Variants in TCF12 observed in about 807,000 individuals in gnomAD.
The protein encoded by TCF12 is DNA-binding protein HTF4.
TCF12 carries 45 observed loss-of-function variants against 86.0 expected under a neutral mutation model. The ratio of observed to expected loss-of-function variants is 0.52; its 90% CI spans 0.41 to 0.67. TCF12 has a LOEUF of 0.67. TCF12 is among the 30% of genes least tolerant of loss of function. TCF12 has a pLI of 0.00. For missense variants in TCF12, 881 were observed against 859.9 expected, an observed-to-expected ratio of 1.02 and a Z score of -0.31; for synonymous variants, 330 against 299.6, an observed-to-expected ratio of 1.10 and a Z score of -1.05.
chr15:56,944,514 G>T (rs1213443429), intron 3 of TCF12, among the ~76,000 whole-genome samples: 3 of 152,118 alleles, frequency 2.0e-5, no homozygotes, highest in African/African-American at 7.2e-5. Context: ...CCTTTATTTT[G>T]TATATACATA....
intron 4 of TCF12, among the ~76,000 whole-genome samples, chr15:57,084,008 T>C (rs1286571661): frequency 2.0e-5 from 3 of 152,226 alleles, no homozygotes; most frequent in Non-Finnish European, 4.4e-5. Context: ...AAATATGTTA[T>C]CCTCTGAATG....
intron 3 of TCF12, among the ~76,000 whole-genome samples, chr15:56,984,120 T>A (rs1389727081): frequency 2.9e-5 from 3 of 103,154 alleles, no homozygotes; most frequent in Non-Finnish European, 5.1e-5. Flanking sequence ...TACGTTGTTC[T>A]TCTGTTTTCA....
chr15:57,179,512 A>C (rs2056187941), intron 6 of TCF12, among the ~76,000 whole-genome samples: 1 of 152,134 alleles, frequency 6.6e-6, no homozygotes, highest in Non-Finnish European at 1.5e-5. Context: ...CCTGGGCGAC[A>C]CAGCAAGACT....
At chr15:57,151,250 G>A (rs1596849347) in intron 5 of TCF12, among the ~76,000 whole-genome samples, 2 of 151,138 alleles carry the variant, frequency 1.3e-5, no homozygotes, top group South Asian at 4.2e-4. Flanking sequence ...TGAGTTGCTG[G>A]GATTATATGT....
chr15:57,153,417 G>A (rs1189281293), intron 5 of TCF12, among the ~76,000 whole-genome samples: 1 of 152,198 alleles, frequency 6.6e-6, no homozygotes, highest in African/African-American at 2.4e-5. Context: ...AAAACAGGAA[G>A]CAGGCCATGA....
intron 3 of TCF12, among the ~76,000 whole-genome samples, chr15:56,983,155 G>C (rs2062976927): frequency 6.6e-6 from 1 of 152,146 alleles, no homozygotes; most frequent in Non-Finnish European, 1.5e-5. Flanking sequence ...TGTGAACCTT[G>C]ATATGTATTC....
At chr15:57,222,491 G>A (rs1008473953) in intron 8 of TCF12, among the ~76,000 whole-genome samples, 1 of 151,818 alleles carries the variant, frequency 6.6e-6, no homozygotes, top group African/African-American at 2.4e-5. Context: ...TGTAATTTTT[G>A]TGTAGCTGTA....
chr15:57,116,816 T>C (rs1000909944), intron 5 of TCF12, among the ~76,000 whole-genome samples: 3 of 152,200 alleles, frequency 2.0e-5, no homozygotes, highest in African/African-American at 4.8e-5. Flanking sequence ...TCTATATAAT[T>C]TAATAGCTGA....
At chr15:57,106,187 G>A (rs527783987) in intron 5 of TCF12, among the ~76,000 whole-genome samples, 1 of 152,240 alleles carries the variant, frequency 6.6e-6, no homozygotes, top group South Asian at 2.1e-4. Flanking sequence ...AATGCAATGT[G>A]GTATCTTGGA....
At chr15:56,955,118 A>C (rs1667824482) in intron 3 of TCF12, among the ~76,000 whole-genome samples, 1 of 152,234 alleles carries the variant, frequency 6.6e-6, no homozygotes, top group African/African-American at 2.4e-5. Context: ...TTATTGTGGC[A>C]CTATTCACAA....
chr15:57,107,802 A>G (rs2050235253), intron 5 of TCF12, among the ~76,000 whole-genome samples: 1 of 152,126 alleles, frequency 6.6e-6, no homozygotes, highest in African/African-American at 2.4e-5. Context: ...TAGCTACTCC[A>G]GAGGCTGAAG....
chr15:57,174,311 AAAAC>A (rs1176622475), intron 6 of TCF12, among the ~76,000 whole-genome samples: 1 of 152,214 alleles, frequency 6.6e-6, no homozygotes, highest in African/African-American at 2.4e-5. Context: ...ATCAAGAAGA[AAAAC>A]AATGTGATCA....
At chr15:56,988,524 T>C (rs568086121) in intron 3 of TCF12, among the ~76,000 whole-genome samples, 107 of 152,318 alleles carry the variant, frequency 7.0e-4, no homozygotes, top group African/African-American at 2.5e-3. Context: ...TTGAACTGTT[T>C]AGTGACTGTC....
intron 3 of TCF12, among the ~76,000 whole-genome samples, chr15:56,988,031 T>A (rs1684582100): frequency 6.6e-6 from 1 of 152,196 alleles, no homozygotes; most frequent in Admixed American, 6.5e-5. Context: ...CTTATAAAGT[T>A]AATGTGCTTA....
At chr15:57,237,583 C>G (rs1303649828) in intron 12 of TCF12, among the ~76,000 whole-genome samples, 1 of 152,188 alleles carries the variant, frequency 6.6e-6, no homozygotes, top group Non-Finnish European at 1.5e-5. Flanking sequence ...GGACCATGGA[C>G]TGCATGCAGA....
chr15:57,092,550 AAGTT>A (rs1271844549), intron 5 of TCF12, among the ~76,000 whole-genome samples: 1 of 152,108 alleles, frequency 6.6e-6, no homozygotes, highest in Non-Finnish European at 1.5e-5. Context: ...TGAAAGTTTA[AAGTT>A]GTTCAGTCTA....
intron 4 of TCF12, among the ~76,000 whole-genome samples, chr15:57,077,393 T>TTC (rs2070203727): frequency 7.0e-6 from 1 of 143,048 alleles, no homozygotes; most frequent in Non-Finnish European, 1.5e-5. Flanking sequence ...TTTTTTTTTT[T>TTC]TGGCAAGGCT....
At chr15:56,993,180 C>T (rs569313403) in intron 3 of TCF12, among the ~76,000 whole-genome samples, 4 of 152,172 alleles carry the variant, frequency 2.6e-5, no homozygotes, top group South Asian at 2.1e-4. Context: ...CTCTAAAAGA[C>T]GCCTGCTACT....
intron 8 of TCF12, among the ~76,000 whole-genome samples, chr15:57,223,671 T>TTTTTTTTTTTTTTTTA (rs71113084): frequency 8.2e-6 from 1 of 122,446 alleles, no homozygotes; most frequent in Non-Finnish European, 1.6e-5. Flanking sequence ...TTTTTTTTTT[T>TTTTTTTTTTTTTTTTA]AGAAATAGAG....
Sources: gnomAD v4.1 joint callset for allele counts (sites outside exome capture counted in the v4.1 genomes callset) on GRCh38, gnomAD v4.1.1 for gene constraint, MANE v1.5 for transcripts, NCBI Gene and HGNC (gene_info 2026-07-23, HGNC 2026-07-21) for gene names.